The following ATP2A2 variants were observed in gnomAD, a reference collection of about 807,000 sequenced individuals.
ATP2A2 encodes sarcoplasmic/endoplasmic reticulum calcium ATPase 2.
Under a neutral mutation model 109.3 loss-of-function variants are expected in ATP2A2, and 14 were observed. The ratio of observed to expected loss-of-function variants is 0.13; its 90% CI spans 0.08 to 0.20. The LOEUF (loss-of-function observed/expected upper bound fraction) is 0.20, where lower values mean the gene tolerates loss of function less well. Among genes scored for constraint, ATP2A2 ranks in the 10% least tolerant of loss-of-function variants. The probability of loss-of-function intolerance (pLI) is 1.00; values close to 1 mark genes in which losing one functional copy is unlikely to be tolerated. For synonymous variants in ATP2A2, 506 were observed against 490.9 expected (o/e 1.03, Z -0.41); for missense variants, 657 against 1,321.6 (o/e 0.50, Z 7.80).
intron 5 of ATP2A2, among the ~76,000 whole-genome samples, chr12:110,302,140 T>A (rs1037550031): frequency 1.3e-5 from 2 of 152,210 alleles, no homozygotes; most frequent in African/African-American, 4.8e-5. Flanking sequence ...ATACATATTA[T>A]AAACTTACCC....
intron 5 of ATP2A2, among the ~76,000 whole-genome samples, chr12:110,318,624 C>T (rs941880657): frequency 5.3e-5 from 8 of 152,166 alleles, no homozygotes; most frequent in African/African-American, 9.7e-5. Flanking sequence ...CAGGCACCCA[C>T]CACCACACCC....
In ATP2A2 at chr12:110,281,269, C is replaced by G. The variant is rs1385223163; in HGVS notation, c.-521C>G. 1 of 151,504 alleles carries G rather than the reference C, an allele frequency of 6.6e-6. No homozygotes were observed. Among genetic ancestry groups the G allele is most frequent in the Non-Finnish European group, 1.5e-5 (1 of 67,832 alleles). The allele number at this position is 151,504 out of a possible 1,614,324, so 9.4% of individuals were successfully genotyped here. ...GCTATTAGAGCAGCCGCCGCGGAGC[C>G]GTCCCCGACGCCACCTCCTTTTCCT... On this transcript the variant is annotated 5_prime_UTR_variant, in exon 1 of 20. Transcript: ENST00000539276.
chr12:110,285,243 G>A (rs1301678044), intron 3 of ATP2A2, among the ~76,000 whole-genome samples: 4 of 152,148 alleles, frequency 2.6e-5, no homozygotes, highest in Non-Finnish European at 4.4e-5. Flanking sequence ...TGTAATATTG[G>A]CCAAAGTGTT....
In ATP2A2 at chr12:110,327,112, T is replaced by G. The variant is rs1367700841; in HGVS notation, c.631-441T>G. ...GTGGCATGGGAGAGACTGCTCACAT[T>G]TGATTTCTTTGGTTTTTGGACCCTG... On this transcript the variant is annotated intron_variant, in intron 7 of 19. Coordinates refer to ENST00000539276, the MANE Select transcript of ATP2A2 (RefSeq NM_170665.4). The surrounding 1 kb of genome is among the most constrained non-coding windows in gnomAD (Gnocchi z 4.4). Among the ~76,000 whole-genome samples the G allele has an allele frequency of 6.6e-6, 1 of 152,226 alleles. No individual in the cohort carries two copies.
intron 3 of ATP2A2, among the ~76,000 whole-genome samples, chr12:110,289,859 T>C (rs959875639): frequency 6.6e-6 from 1 of 152,246 alleles, no homozygotes; most frequent in East Asian, 1.9e-4. Context: ...CTCTTTACCA[T>C]ATTCATTATT....
chr12:110,346,153 T>A, intron 19 of ATP2A2, 35 bp downstream of exon 19: 1 of 1,614,202 alleles, frequency 6.2e-7, no homozygotes, highest in Non-Finnish European at 8.5e-7. Flanking sequence ...ACCAGCCACC[T>A]CCTTCCAGGG....
intron 5 of ATP2A2, among the ~76,000 whole-genome samples, chr12:110,307,820 T>A (rs1419972093): frequency 6.6e-6 from 1 of 152,228 alleles, no homozygotes; most frequent in Non-Finnish European, 1.5e-5. Context: ...GTTGATAGAT[T>A]TCTTCTGCTG....
chr12:110,285,671 G>C (rs915371606), intron 3 of ATP2A2, among the ~76,000 whole-genome samples: 1 of 152,192 alleles, frequency 6.6e-6, no homozygotes, highest in Non-Finnish European at 1.5e-5. Context: ...AAGATCTGAA[G>C]GAGGTGGGCA....
At chr12:110,302,305 T>C (rs1032475264) in intron 5 of ATP2A2, among the ~76,000 whole-genome samples, 5 of 152,144 alleles carry the variant, frequency 3.3e-5, no homozygotes, top group Admixed American at 3.3e-4. Context: ...CTGGCAACCA[T>C]TCCCTTTATT....
In ATP2A2 at chr12:110,345,387, G is replaced by A; in HGVS notation, c.2741+5G>A. 6.2e-7 allele frequency: 1 copy of A among 1,614,218 alleles called. No homozygotes were observed. The highest frequency in any genetic ancestry group is 8.5e-7 in the Non-Finnish European group (1 of 1,180,038). On this transcript the variant is annotated splice_donor_5th_base_variant and intron_variant, in intron 18 of 19. Transcript: ENST00000539276. ...AATGTGTAACGCCCTCAACAGGTTA[G>A]TGCACCTTCACGGCAGGCTGAGGCG...
At chr12:110,285,164 A>G (rs1566197387) in intron 3 of ATP2A2, among the ~76,000 whole-genome samples, 2 of 152,224 alleles carry the variant, frequency 1.3e-5, no homozygotes, top group African/African-American at 4.8e-5. Context: ...ACTGTTAACT[A>G]TAGTTAATAT....
chr12:110,293,577 T>C (rs1024683179), intron 4 of ATP2A2, among the ~76,000 whole-genome samples: 16 of 151,302 alleles, frequency 1.1e-4, no homozygotes, highest in Non-Finnish European at 1.8e-4. Context: ...TTACTTTTAA[T>C]AGAGATGGGG....
intron 6 of ATP2A2, 42 bp from the exon 7 acceptor site, chr12:110,326,348 G>A: frequency 6.5e-7 from 1 of 1,546,600 alleles, no homozygotes; most frequent in Admixed American, 1.7e-5. Flanking sequence ...TTCTTGGTGT[G>A]GGTCGCAGAG....
chr12:110,305,967 G>A (rs1203982448), intron 5 of ATP2A2, among the ~76,000 whole-genome samples: 1 of 151,670 alleles, frequency 6.6e-6, no homozygotes, highest in East Asian at 1.9e-4. Flanking sequence ...TGCATTTTTG[G>A]CGGGGGGAAT....
intron 5 of ATP2A2, among the ~76,000 whole-genome samples, chr12:110,303,762 T>C (rs986859184): frequency 2.0e-5 from 3 of 152,010 alleles, no homozygotes; most frequent in Non-Finnish European, 4.4e-5. Context: ...AGTTTGGCCA[T>C]GTTGGCCCGG....
intron 11 of ATP2A2, among the ~76,000 whole-genome samples, chr12:110,336,260 C>T (rs1488692757): frequency 6.6e-6 from 1 of 152,192 alleles, no homozygotes; most frequent in Non-Finnish European, 1.5e-5. Context: ...GGGAGAGGTT[C>T]TGCCTGCCTG....
Position 110,338,191 on chromosome 12 carries a change from C to G in ATP2A2, c.1420-1090C>G, listed in dbSNP as rs142636487. 5.8e-3 allele frequency among the ~76,000 whole-genome samples: 886 copies of G among 152,314 alleles called. 8 individuals are homozygous for G. Among genetic ancestry groups the G allele is most frequent in the African/African-American group, 0.02 (837 of 41,564 alleles). On this transcript the variant is annotated intron_variant, in intron 11 of 19. Coordinates refer to ENST00000539276, the MANE Select transcript of ATP2A2 (RefSeq NM_170665.4). ...CTGTCTATAGTTACTCCCATGATCT[C>G]TTCTGGTCTCATTACTATAATCAGT...
chr12:110,308,958 C>T (rs569639927), intron 5 of ATP2A2, among the ~76,000 whole-genome samples: 1 of 152,020 alleles, frequency 6.6e-6, no homozygotes, highest in Non-Finnish European at 1.5e-5. Flanking sequence ...TTGATATTTG[C>T]AGAAAGGAAC....
chr12:110,311,877 A>G (rs1430420913), intron 5 of ATP2A2, among the ~76,000 whole-genome samples: 1 of 152,080 alleles, frequency 6.6e-6, no homozygotes, highest in Admixed American at 6.6e-5. Flanking sequence ...GTCTTTACAA[A>G]AAAAGTTTTA....
Sources: gnomAD v4.1 joint callset for allele counts (sites outside exome capture counted in the v4.1 genomes callset) on GRCh38, gnomAD v4.1.1 for gene constraint, Gnocchi (gnomAD v3.1) non-coding constraint, MANE v1.5 for transcripts, NCBI Gene and HGNC (gene_info 2026-07-23, HGNC 2026-07-21) for gene names.